Variants in NSUN7 observed in about 807,000 individuals in gnomAD.
NSUN7 encodes the protein NOP2/Sun RNA methyltransferase family member 7, also known as protein NSUN7.
Under a neutral mutation model 58.5 loss-of-function variants are expected in NSUN7, and 39 were observed. The ratio of observed to expected loss-of-function variants is 0.67; its 90% CI spans 0.52 to 0.87. The LOEUF is 0.87. Ranked by LOEUF, NSUN7 falls within the 40% of genes least tolerant of loss-of-function variation. NSUN7 has a pLI of 0.00. For missense variants in NSUN7, 765 were observed against 844.1 expected (o/e 0.91, Z 1.16); for synonymous variants, 278 against 303.7 (o/e 0.92, Z 0.88).
chr4:40,801,901 C>CA (rs56868885), intron 10 of NSUN7, among the ~76,000 whole-genome samples: 1,105 of 107,220 alleles, frequency 0.01, 29 homozygotes, highest in African/African-American at 0.026. Flanking sequence ...GACTCTGTCT[C>CA]AAAAAAAAAA....
At chr4:40,770,020 G>A (rs1347433694) in intron 4 of NSUN7, among the ~76,000 whole-genome samples, 1 of 151,932 alleles carries the variant, frequency 6.6e-6, no homozygotes, top group Non-Finnish European at 1.5e-5. Flanking sequence ...GACCAGCCTG[G>A]ACCAACATGG....
Position 40,776,232 on chromosome 4 carries a change from A to G in NSUN7, c.1009A>G (p.Thr337Ala). The G allele has an allele frequency of 6.2e-7, 1 of 1,604,664 alleles. No individual in the cohort carries two copies. The highest frequency in any genetic ancestry group is 8.5e-7 in the Non-Finnish European group (1 of 1,176,420). Residue 337 changes from threonine (T) to alanine (A), a missense_variant, in exon 7 of 12, where the codon ACC becomes GCC. Thr to Ala is a moderately conservative substitution (Grantham distance 58, BLOSUM62 0). Transcript: ENST00000381782. ...QSQAKDPDLK[T>A]LFTKIGCKNI... ...ACAAGCTAAGGATCCTGACTTGAAG[A>G]CCCTTTTCACAAAAATAGGATGTAA...
At chr4:40,799,091 T>TGTTTG (rs1743460330) in intron 10 of NSUN7, among the ~76,000 whole-genome samples, 187 bp downstream of exon 10, 1 of 141,788 alleles carries the variant, frequency 7.1e-6, no homozygotes, top group African/African-American at 2.6e-5. Context: ...TTTTTTTTTT[T>TGTTTG]TTTTTTTTTT....
At chr4:40,756,549 GAAT>G (rs1741153396) in intron 2 of NSUN7, among the ~76,000 whole-genome samples, 1 of 152,188 alleles carries the variant, frequency 6.6e-6, no homozygotes, top group Admixed American at 6.5e-5. Flanking sequence ...TTTGTCATGA[GAAT>G]AATAAGAGGA....
chr4:40,751,632 G>A (rs547259183), intron 2 of NSUN7, among the ~76,000 whole-genome samples: 1 of 152,240 alleles, frequency 6.6e-6, no homozygotes, highest in African/African-American at 2.4e-5. Context: ...TTTAATGGGA[G>A]GAGCCAAACT....
intron 2 of NSUN7, among the ~76,000 whole-genome samples, chr4:40,751,234 C>T (rs1740818319): frequency 6.6e-6 from 1 of 152,146 alleles, no homozygotes; most frequent in Non-Finnish European, 1.5e-5. Context: ...AGTGCGCGGT[C>T]ATTACATTCA....
rs1742234107 is a variant in NSUN7, at chr4:40,775,831, A to G, written c.826-218A>G. 6.6e-6 allele frequency among the ~76,000 whole-genome samples: 1 copy of G among 152,232 alleles called. No individual in the cohort carries two copies. Among genetic ancestry groups the G allele is most frequent in the Admixed American group, 6.5e-5 (1 of 15,278 alleles). Reference sequence around the variant, plus strand: ...TGCTTTATACAAAACTTAGACAGTAACAGTCATAATTTAGGCTAAACAAAG... The same window carrying G: ...TGCTTTATACAAAACTTAGACAGTAGCAGTCATAATTTAGGCTAAACAAAG... On this transcript the variant is annotated intron_variant, in intron 6 of 11. Coordinates refer to ENST00000381782, the MANE Select transcript of NSUN7 (RefSeq NM_024677.6). This position sits in a 1 kb window ranked among gnomAD's most constrained non-coding sequence, Gnocchi z 4.3.
rs1229134087 is a variant in NSUN7, at chr4:40,810,553, G to A, written c.*1614G>A. The A allele has an allele frequency of 7.1e-6, 1 of 140,168 alleles. No homozygotes were observed. Among genetic ancestry groups the A allele is most frequent in the East Asian group, 2.0e-4 (1 of 5,024 alleles). The allele number at this position is 140,168 out of a possible 1,614,324, so 8.7% of individuals were successfully genotyped here. On this transcript the variant is annotated 3_prime_UTR_variant, in exon 12 of 12. Coordinates refer to ENST00000381782, the MANE Select transcript of NSUN7 (RefSeq NM_024677.6). ...ATATTGCCCCACTGCACTCCAGCCT[G>A]GGAAGCAGAGTGAGACCTTGCCTCA...
intron 7 of NSUN7, among the ~76,000 whole-genome samples, chr4:40,783,487 G>GA (rs35977986): frequency 0.8 from 121,231 of 152,032 alleles, 48,592 homozygotes; most frequent in Admixed American, 0.84. Flanking sequence ...CAAGCAACAA[G>GA]AAAAAATCGA....
chr4:40,783,772 CA>C (rs1455805062), intron 7 of NSUN7, among the ~76,000 whole-genome samples: 1 of 151,742 alleles, frequency 6.6e-6, no homozygotes, highest in Non-Finnish European at 1.5e-5. Flanking sequence ...CACTTGGACC[CA>C]GAAGGTGGAG....
intron 7 of NSUN7, among the ~76,000 whole-genome samples, chr4:40,782,498 G>A (rs1301470116): frequency 6.7e-6 from 1 of 150,062 alleles, no homozygotes; most frequent in Non-Finnish European, 1.5e-5. Context: ...AACTTGGGAA[G>A]TAGAGGTTAC....
chr4:40,753,783 A>G (rs1740959165), intron 2 of NSUN7, among the ~76,000 whole-genome samples: 1 of 152,120 alleles, frequency 6.6e-6, no homozygotes, highest in South Asian at 2.1e-4. Flanking sequence ...TAATGGAATC[A>G]TGGGGACAGG....
At chr4:40,757,362 A>C (rs1239259116) in intron 2 of NSUN7, among the ~76,000 whole-genome samples, 2 of 152,066 alleles carry the variant, frequency 1.3e-5, no homozygotes, top group Admixed American at 1.3e-4. Context: ...TGTTTAAGAT[A>C]GCCTAAGCTA....
chr4:40,757,718 G>GTATA (rs1434684910), intron 2 of NSUN7, among the ~76,000 whole-genome samples: 10 of 57,558 alleles, frequency 1.7e-4, no homozygotes, highest in African/African-American at 9.8e-4. Flanking sequence ...GTGTGTGTGT[G>GTATA]TATATATACA....
chr4:40,808,041 A>AG (rs1743889744), intron 11 of NSUN7, among the ~76,000 whole-genome samples: 1 of 151,470 alleles, frequency 6.6e-6, no homozygotes, highest in Non-Finnish European at 1.5e-5. Context: ...AAAAAAAAAA[A>AG]AAAAAAAAAA....
At chr4:40,751,674 A>G (rs1740840838) in intron 2 of NSUN7, among the ~76,000 whole-genome samples, 1 of 151,968 alleles carries the variant, frequency 6.6e-6, no homozygotes, top group Admixed American at 6.6e-5. Flanking sequence ...ATTTGCTTTC[A>G]GGGTTTGAGA....
At chr4:40,772,085 A>G (rs949085270) in intron 4 of NSUN7, among the ~76,000 whole-genome samples, 11 of 152,148 alleles carry the variant, frequency 7.2e-5, no homozygotes, top group African/African-American at 2.7e-4. Context: ...GTATAACTGC[A>G]TGTACACTTT....
intron 2 of NSUN7, among the ~76,000 whole-genome samples, chr4:40,755,770 A>C (rs1741112954): frequency 6.6e-6 from 1 of 152,244 alleles, no homozygotes; most frequent in Admixed American, 6.5e-5. Flanking sequence ...AGTTTATTAC[A>C]GTGAAAGGAC....
intron 4 of NSUN7, among the ~76,000 whole-genome samples, chr4:40,766,691 G>A (rs1278353415): frequency 2.6e-5 from 4 of 152,116 alleles, no homozygotes; most frequent in African/African-American, 7.2e-5. Flanking sequence ...GGTAGAATTC[G>A]GCTGTGAATC....
Sources: allele counts gnomAD v4.1 joint callset (sites outside exome capture counted in the v4.1 genomes callset), GRCh38; gene constraint gnomAD v4.1.1; non-coding constraint Gnocchi (gnomAD v3.1); transcripts MANE v1.5; gene names NCBI Gene and HGNC (gene_info 2026-07-23, HGNC 2026-07-21).